RFTN1: variants seen among roughly 807,000 people sequenced by gnomAD.
RFTN1 encodes the protein raftlin.
Under a neutral mutation model 46.5 loss-of-function variants are expected in RFTN1, and 26 were observed. The ratio of observed to expected loss-of-function variants is 0.56; its 90% CI spans 0.41 to 0.78. The LOEUF (loss-of-function observed/expected upper bound fraction) is 0.78. Among genes scored for constraint, RFTN1 ranks in the 30% least tolerant of loss-of-function variants. The probability of loss-of-function intolerance (pLI) is 0.00; values close to 1 mark genes in which losing one functional copy is unlikely to be tolerated. For missense variants in RFTN1, 693 were observed against 718.7 expected, an observed-to-expected ratio of 0.96 and a Z score of 0.41; for synonymous variants, 261 against 284.2, an observed-to-expected ratio of 0.92 and a Z score of 0.82.
chr3:16,414,780 G>C (rs958247731), intron 3 of RFTN1, among the ~76,000 whole-genome samples: 3 of 152,102 alleles, frequency 2.0e-5, no homozygotes, highest in African/African-American at 4.8e-5. Context: ...CTCATCCAGG[G>C]CATGAGCTCT....
At chr3:16,478,100 TG>T (rs1322525849) in intron 2 of RFTN1, among the ~76,000 whole-genome samples, 1 of 152,216 alleles carries the variant, frequency 6.6e-6, no homozygotes, top group African/African-American at 2.4e-5. Context: ...AGGTGCTGTG[TG>T]GTGGCTGCTA....
At chr3:16,423,789 A>C (rs2075240210) in intron 3 of RFTN1, among the ~76,000 whole-genome samples, 1 of 152,166 alleles carries the variant, frequency 6.6e-6, no homozygotes, top group Non-Finnish European at 1.5e-5. Flanking sequence ...GGAGACTTAA[A>C]CTATAGCAAT....
chr3:16,394,391 C>A (rs1419006840), intron 4 of RFTN1, among the ~76,000 whole-genome samples: 2 of 151,990 alleles, frequency 1.3e-5, no homozygotes, highest in Non-Finnish European at 1.5e-5. Flanking sequence ...AACAAACAAA[C>A]AAAAAACAAA....
rs2072238826 is a variant in RFTN1 at position 16,353,673 on chromosome 3, A to C, written c.1146+4259T>G. On this transcript the variant is annotated intron_variant, in intron 7 of 9. Coordinates refer to ENST00000334133, the MANE Select transcript of RFTN1 (RefSeq NM_015150.2). The surrounding 1 kb of genome is among the most constrained non-coding windows in gnomAD (Gnocchi z 5.4). ...GCCTCTACAGAAGTAATTAAGGTTA[A>C]ATGAAGTCATACGCATGGGACCCTG... Among the ~76,000 whole-genome samples the C allele has an allele frequency of 6.6e-6, 1 of 152,190 alleles. No homozygotes were observed. The highest frequency in any genetic ancestry group is 6.5e-5 in the Admixed American group (1 of 15,282).
At chr3:16,319,562 G>C (rs534454229) in intron 9 of RFTN1, among the ~76,000 whole-genome samples, 1 of 152,296 alleles carries the variant, frequency 6.6e-6, no homozygotes, top group African/African-American at 2.4e-5. Context: ...TCCACCACGT[G>C]CTAGACCTTC....
intron 2 of RFTN1, among the ~76,000 whole-genome samples, chr3:16,464,751 C>A (rs1212435807): frequency 1.3e-5 from 2 of 152,234 alleles, no homozygotes; most frequent in Non-Finnish European, 2.9e-5. Flanking sequence ...TCTATGGCTG[C>A]TTTGGCACTA....
intron 8 of RFTN1, among the ~76,000 whole-genome samples, 181 bp from the exon 9 acceptor site, chr3:16,323,638 A>G (rs2069342494): frequency 6.6e-6 from 1 of 152,196 alleles, no homozygotes; most frequent in African/African-American, 2.4e-5. Flanking sequence ...CCGAGGGGCT[A>G]TCTCAGATGC....
rs535092400 is a variant in RFTN1 at position 16,464,807 on chromosome 3, C to T, written c.145+28918G>A. ...AGTAGTTGTAACAGAGACCACATCA[C>T]CCACAAAGCCCAAAATATTTACCAT... On this transcript the variant is annotated intron_variant, in intron 2 of 9. Coordinates refer to ENST00000334133, the MANE Select transcript of RFTN1 (RefSeq NM_015150.2). Among the ~76,000 whole-genome samples the T allele has an allele frequency of 1.1e-4, 17 of 152,356 alleles. No individual in the cohort carries two copies. The South Asian group carries it at 3.5e-3, about 32-fold the overall frequency.
At position 16,316,940 on chromosome 3, in the gene RFTN1, C is replaced by T; in HGVS notation, c.1625G>A (p.Ser542Asn). The change falls in exon 10 of 10, where the codon AGC becomes AAC. Residue 542 changes from serine (S) to asparagine (N), a missense_variant. By Grantham distance (46) the Ser-to-Asn change is conservative. Coordinates refer to ENST00000334133, the MANE Select transcript of RFTN1 (RefSeq NM_015150.2). This position sits in a 1 kb window ranked among gnomAD's most constrained non-coding sequence, Gnocchi z 4.5. ...EGEAVQNGPA[S>N]HSRALVGICT... Reference sequence around the variant, plus strand: ...AATCCCCACCAGGGCCCTGCTGTGGCTGGCAGGACCATTCTGCACAGCCTC... The same window carrying T: ...AATCCCCACCAGGGCCCTGCTGTGGTTGGCAGGACCATTCTGCACAGCCTC... 3 of 1,614,106 alleles carry T rather than the reference C, an allele frequency of 1.9e-6. No homozygotes were observed. The highest frequency in any genetic ancestry group is 2.2e-5 in the East Asian group (1 of 44,848).
At chr3:16,464,090 T>C (rs919204444) in intron 2 of RFTN1, among the ~76,000 whole-genome samples, 6 of 152,178 alleles carry the variant, frequency 3.9e-5, no homozygotes, top group Non-Finnish European at 5.9e-5. Flanking sequence ...TCTGCTTATC[T>C]TTCGAACCTC....
rs1347096351 is a variant in RFTN1, at chr3:16,483,541, T to C, written c.145+10184A>G. Among the ~76,000 whole-genome samples the C allele has an allele frequency of 1.3e-5, 2 of 152,178 alleles. No homozygotes were observed. ...AATGGGTCTGGTGTGCAGCTGGGCA[T>C]GGGAACTTTTTAAACAAACTTTGAG... On this transcript the variant is annotated intron_variant, in intron 2 of 9. Transcript: ENST00000334133. The surrounding 1 kb of genome is among the most constrained non-coding windows in gnomAD (Gnocchi z 4.8).
rs146690081 is a variant in RFTN1 at position 16,376,157 on chromosome 3, C to T, written c.826+1561G>A. Among the ~76,000 whole-genome samples the T allele has an allele frequency of 8.5e-5, 13 of 152,182 alleles. No homozygotes were observed. Among genetic ancestry groups the T allele is most frequent in the African/African-American group, 2.4e-4 (10 of 41,520 alleles). On this transcript the variant is annotated intron_variant, in intron 5 of 9. Coordinates refer to ENST00000334133, the MANE Select transcript of RFTN1 (RefSeq NM_015150.2). This position sits in a 1 kb window ranked among gnomAD's most constrained non-coding sequence, Gnocchi z 4.7. ...CCAGGATTCCATGAGAGGTGGAGGT[C>T]GAGTGTCAGGACTACTGAGCCTGTA...
Position 16,336,504 on chromosome 3 carries a change from C to T in RFTN1, c.1147-9628G>A, listed in dbSNP as rs2070863048. Among the ~76,000 whole-genome samples, 1 of 152,204 alleles carries T rather than the reference C, an allele frequency of 6.6e-6. No homozygotes were observed. Reference sequence around the variant, plus strand: ...GGCCTCTGCGGGAGGGAGGGACAGGCACGCTGGCCGGCTAGAGATGTTGTT... The same window carrying T: ...GGCCTCTGCGGGAGGGAGGGACAGGTACGCTGGCCGGCTAGAGATGTTGTT... On this transcript the variant is annotated intron_variant, in intron 7 of 9. Transcript: ENST00000334133. The surrounding 1 kb of genome is among the most constrained non-coding windows in gnomAD (Gnocchi z 6.0).
Position 16,374,861 on chromosome 3 carries a change from C to T in RFTN1, c.826+2857G>A, listed in dbSNP as rs1372487785. ...AAGAGGAACCCACGGCGGGCCTCCC[C>T]AAGAACCTGCAGGGGCAAGGAGGCG... On this transcript the variant is annotated intron_variant, in intron 5 of 9. Coordinates refer to ENST00000334133, the MANE Select transcript of RFTN1 (RefSeq NM_015150.2). The surrounding 1 kb of genome is among the most constrained non-coding windows in gnomAD (Gnocchi z 5.4). 6.6e-6 allele frequency among the ~76,000 whole-genome samples: 1 copy of T among 152,154 alleles called. No homozygotes were observed. Among genetic ancestry groups the T allele is most frequent in the Non-Finnish European group, 1.5e-5 (1 of 68,030 alleles).
Position 16,342,446 on chromosome 3 carries a change from A to G in RFTN1, c.1146+15486T>C. Among the ~76,000 whole-genome samples, 1 of 152,208 alleles carries G rather than the reference A, an allele frequency of 6.6e-6. No individual in the cohort carries two copies. Reference sequence around the variant, plus strand: ...TTATTCATCATTTGATGAACATTTAAGTTGTTTCTACTTTTTGGACATTAC... The same window carrying G: ...TTATTCATCATTTGATGAACATTTAGGTTGTTTCTACTTTTTGGACATTAC... On this transcript the variant is annotated intron_variant, in intron 7 of 9. Coordinates refer to ENST00000334133, the MANE Select transcript of RFTN1 (RefSeq NM_015150.2). The surrounding 1 kb of genome is among the most constrained non-coding windows in gnomAD (Gnocchi z 4.0).
rs1298835478 is a variant in RFTN1 at position 16,459,391 on chromosome 3, A to G, written c.146-25354T>C. On this transcript the variant is annotated intron_variant, in intron 2 of 9. Transcript: ENST00000334133. This position sits in a 1 kb window ranked among gnomAD's most constrained non-coding sequence, Gnocchi z 4.2. ...CATATCTCAAAAGATTGAAAATTAC[A>G]AATCCTAGCACTTTGGGAGGCTGAA... 6.6e-6 allele frequency among the ~76,000 whole-genome samples: 1 copy of G among 152,206 alleles called. No individual in the cohort carries two copies. Among genetic ancestry groups the G allele is most frequent in the East Asian group, 1.9e-4 (1 of 5,202 alleles).
chr3:16,357,901 A>G, intron 7 of RFTN1, 31 bp downstream of exon 7: 1 of 1,385,752 alleles, frequency 7.2e-7, no homozygotes, highest in South Asian at 1.2e-5. Context: ...TGTCTAAACA[A>G]AAGAAGCGGG....
At position 16,371,874 on chromosome 3, in the gene RFTN1, A is replaced by G. The variant is rs186901825; in HGVS notation, c.827-1595T>C. ...GGTGTATAGAACTGGCAGTCACTAG[A>G]CTAGTTTGTGAGTTCACAATACAAA... On this transcript the variant is annotated intron_variant, in intron 5 of 9. Transcript: ENST00000334133. 2.6e-3 allele frequency among the ~76,000 whole-genome samples: 394 copies of G among 152,326 alleles called. 7 individuals carry two copies. Among genetic ancestry groups the G allele is most frequent in the Non-Finnish European group, 1.0e-3 (69 of 68,036 alleles).
intron 6 of RFTN1, among the ~76,000 whole-genome samples, chr3:16,360,333 G>C (rs968323847): frequency 2.0e-5 from 3 of 152,024 alleles, no homozygotes; most frequent in African/African-American, 7.2e-5. Context: ...CACCACCCCA[G>C]CTAATTTTTT....
Sources: gnomAD v4.1 joint callset for allele counts (sites outside exome capture counted in the v4.1 genomes callset) on GRCh38, gnomAD v4.1.1 for gene constraint, Gnocchi (gnomAD v3.1) non-coding constraint, MANE v1.5 for transcripts, NCBI Gene and HGNC (gene_info 2026-07-23, HGNC 2026-07-21) for gene names.